Variants in VDR observed in about 807,000 individuals in gnomAD.
VDR encodes the protein vitamin D3 receptor.
Under a neutral mutation model 39.7 loss-of-function variants are expected in VDR, and 19 were observed. That is an observed-to-expected ratio of 0.48 (90% confidence interval 0.33 to 0.70). VDR has a LOEUF of 0.70. VDR is among the 30% of genes least tolerant of loss of function. The pLI is 0.02. For missense variants in VDR, 442 were observed against 570.5 expected (o/e 0.77, Z 2.29); for synonymous variants, 242 against 215.8 (o/e 1.12, Z -1.07).
At chr12:47,897,826 A>T (rs1946489248) in intron 1 of VDR, among the ~76,000 whole-genome samples, 1 of 152,204 alleles carries the variant, frequency 6.6e-6, no homozygotes, top group African/African-American at 2.4e-5. Flanking sequence ...AGTAGAGACT[A>T]CTAAACTTCA....
intron 6 of VDR, 69 bp downstream of exon 6, chr12:47,857,060 C>A: frequency 6.2e-7 from 1 of 1,608,616 alleles, no homozygotes; most frequent in Non-Finnish European, 8.5e-7. Context: ...ATCCAGCAGC[C>A]CCAGGGCAGG....
At chr12:47,886,587 T>A (rs1946259855) in intron 1 of VDR, among the ~76,000 whole-genome samples, 1 of 152,200 alleles carries the variant, frequency 6.6e-6, no homozygotes, top group African/African-American at 2.4e-5. Context: ...TCTCCCCAGC[T>A]CCTTCATACA....
rs116864517 is a variant in VDR, at chr12:47,900,250, T to C, written c.-84+4705A>G. Among the ~76,000 whole-genome samples, 183 of 152,286 alleles carry C rather than the reference T, an allele frequency of 1.2e-3. No homozygotes were observed. In the South Asian group the frequency reaches 0.019, roughly 16 times the overall value. ...GGAGCCTCCTTCTGAGAGGCCACTGTCCCCAGAGTAACCTTTGGGCAGTCC... is the reference window on the plus strand; with the variant it reads ...GGAGCCTCCTTCTGAGAGGCCACTGCCCCCAGAGTAACCTTTGGGCAGTCC... On this transcript the variant is annotated intron_variant, in intron 1 of 9. Coordinates refer to ENST00000549336, the MANE Select transcript of VDR (RefSeq NM_000376.3).
chr12:47,865,245 G>T (rs1479512093), intron 3 of VDR, 68 bp from the exon 4 acceptor site: 1 of 1,595,766 alleles, frequency 6.3e-7, no homozygotes, highest in Admixed American at 1.7e-5. Context: ...TCATCACGGA[G>T]ACCTGTCTTC....
Position 47,882,776 on chromosome 12 carries a change from T to C in VDR, c.-83-2A>G. The C allele has an allele frequency of 6.5e-7, 1 of 1,535,080 alleles. No individual in the cohort carries two copies. Among genetic ancestry groups the C allele is most frequent in the Non-Finnish European group, 8.7e-7 (1 of 1,146,374 alleles). On this transcript the variant is annotated splice_acceptor_variant, in intron 1 of 9. Transcript: ENST00000549336. LOFTEE classifies it low-confidence loss of function (5UTR_SPLICE). The stretch of plus-strand genomic sequence containing the variant: ...CAGACACTTCAGACCCAAAGGCTTC[T>C]GAAATGAAGAAGGGGAAACCTTTTA...
At position 47,895,083 on chromosome 12, in the gene VDR, A is replaced by T. The variant is rs139081665; in HGVS notation, c.-84+9872T>A. ...AGATAAATATTTCAAATGTGTTATA[A>T]AAATTGTTACACTCTAAAATTACAC... On this transcript the variant is annotated intron_variant, in intron 1 of 9. Coordinates refer to ENST00000549336, the MANE Select transcript of VDR (RefSeq NM_000376.3). 2.0e-3 allele frequency among the ~76,000 whole-genome samples: 309 copies of T among 152,386 alleles called. 1 individual carries two copies. The highest frequency in any genetic ancestry group is 6.7e-3 in the African/African-American group (280 of 41,590).
chr12:47,882,877 C>T, intron 1 of VDR, 103 bp from the exon 2 acceptor site: 1 of 875,204 alleles, frequency 1.1e-6, no homozygotes. Context: ...GGACTTTAGT[C>T]CCCAGATCAG....
intron 1 of VDR, among the ~76,000 whole-genome samples, chr12:47,884,441 T>G (rs1946217306): frequency 6.6e-6 from 1 of 152,146 alleles, no homozygotes; most frequent in Admixed American, 6.5e-5. Context: ...TGGGGCCAAA[T>G]GAGGACAGGC....
At chr12:47,883,536 G>A (rs1002366652) in intron 1 of VDR, among the ~76,000 whole-genome samples, 2 of 152,342 alleles carry the variant, frequency 1.3e-5, no homozygotes, top group South Asian at 4.1e-4. Context: ...GGGCCAGCAA[G>A]GAGGGATGGG....
At chr12:47,903,912 C>T (rs1946615102) in intron 1 of VDR, among the ~76,000 whole-genome samples, 1 of 152,260 alleles carries the variant, frequency 6.6e-6, no homozygotes, top group Middle Eastern at 3.4e-3. Flanking sequence ...GTATCTGAGC[C>T]CCTGCCCATG....
At chr12:47,871,292 C>CTTTCTTT (rs754929705) in intron 3 of VDR, among the ~76,000 whole-genome samples, 1 of 79,854 alleles carries the variant, frequency 1.3e-5, no homozygotes, top group African/African-American at 4.6e-5. Flanking sequence ...CTTTCTCTTT[C>CTTTCTTT]TCTTTCTTTC....
At chr12:47,897,686 C>T (rs922798626) in intron 1 of VDR, among the ~76,000 whole-genome samples, 18 of 152,186 alleles carry the variant, frequency 1.2e-4, no homozygotes, top group African/African-American at 4.1e-4. Context: ...GGATTCTCTA[C>T]AGGCATTTGG....
At chr12:47,862,668 A>C (rs1444535219) in intron 4 of VDR, among the ~76,000 whole-genome samples, 1 of 152,200 alleles carries the variant, frequency 6.6e-6, no homozygotes, top group East Asian at 1.9e-4. Context: ...CTGGGCTTTT[A>C]GCTTTCTTCC....
At chr12:47,895,608 A>T (rs945755328) in intron 1 of VDR, among the ~76,000 whole-genome samples, 3 of 151,452 alleles carry the variant, frequency 2.0e-5, no homozygotes, top group African/African-American at 2.4e-5. Flanking sequence ...GTTACCTGTT[A>T]AAAAAAAACT....
chr12:47,891,804 T>C (rs1045648639), intron 1 of VDR, among the ~76,000 whole-genome samples: 1 of 152,170 alleles, frequency 6.6e-6, no homozygotes, highest in Admixed American at 6.5e-5. Context: ...ATCCTGTACC[T>C]GCATCTGTTC....
chr12:47,848,404 C>T (rs1284753371), intron 7 of VDR, among the ~76,000 whole-genome samples: 1 of 151,916 alleles, frequency 6.6e-6, no homozygotes, highest in East Asian at 1.9e-4. Context: ...TTTTTCTGGT[C>T]CTGAATCCAC....
chr12:47,904,611 T>C, intron 1 of VDR: 1 of 1,535,974 alleles, frequency 6.5e-7, no homozygotes, highest in Non-Finnish European at 8.7e-7. Context: ...ATCGCTCCTT[T>C]TCTTATTCCT....
At chr12:47,862,497 G>A (rs2238139) in intron 4 of VDR, among the ~76,000 whole-genome samples, 120,902 of 152,212 alleles carry the variant, frequency 0.79, 48,194 homozygotes, top group East Asian at 0.96. Context: ...AAGTATTTAC[G>A]TATTTAGGGA....
At chr12:47,886,394 G>A (rs1223351988) in intron 1 of VDR, among the ~76,000 whole-genome samples, 1 of 152,132 alleles carries the variant, frequency 6.6e-6, no homozygotes, top group Non-Finnish European at 1.5e-5. Flanking sequence ...TAATATCATG[G>A]CCAGCTAAGG....
Sources: allele counts gnomAD v4.1 joint callset (sites outside exome capture counted in the v4.1 genomes callset), GRCh38; gene constraint gnomAD v4.1.1; transcripts MANE v1.5; gene names NCBI Gene and HGNC (gene_info 2026-07-23, HGNC 2026-07-21).